RXRA: variants seen among roughly 807,000 people sequenced by gnomAD.
The protein encoded by RXRA is retinoid X receptor alpha.
RXRA carries 5 observed loss-of-function variants against 44.5 expected under a neutral mutation model. That is an observed-to-expected ratio of 0.11 (90% CI 0.06 to 0.24). The LOEUF (loss-of-function observed/expected upper bound fraction) is 0.24, where lower values mean the gene tolerates loss of function less well. Among genes scored for constraint, RXRA ranks in the 10% least tolerant of loss-of-function variants. The pLI is 1.00. For missense variants in RXRA, 412 were observed against 646.5 expected, an observed-to-expected ratio of 0.64 and a Z score of 3.93; for synonymous variants, 291 against 271.4, an observed-to-expected ratio of 1.07 and a Z score of -0.71.
In RXRA at chr9:134,435,932, C is replaced by T. The variant is rs1831612549; in HGVS notation, c.1242-535C>T. Among the ~76,000 whole-genome samples, 3 of 152,346 alleles carry T rather than the reference C, an allele frequency of 2.0e-5. No individual in the cohort carries two copies. In the South Asian group the frequency reaches 6.2e-4, roughly 32 times the overall value. ...CCAGGCTGGAGTGCAGTGCTGCGATCGTAGCTCATTGCAGCCTCAACCTCC... is the reference window on the plus strand; with the variant it reads ...CCAGGCTGGAGTGCAGTGCTGCGATTGTAGCTCATTGCAGCCTCAACCTCC... On this transcript the variant is annotated intron_variant, in intron 9 of 9. Coordinates refer to ENST00000481739, the MANE Select transcript of RXRA (RefSeq NM_002957.6).
intron 4 of RXRA, among the ~76,000 whole-genome samples, chr9:134,410,709 G>GC (rs920660260): frequency 2.6e-5 from 4 of 152,190 alleles, no homozygotes; most frequent in African/African-American, 9.7e-5. Flanking sequence ...CTGGAGCTGG[G>GC]GGGGGAAGGC....
In RXRA at chr9:134,431,899, C is replaced by T. The variant is rs1831538145; in HGVS notation, c.1044-6C>T. 1.2e-6 allele frequency: 2 copies of T among 1,611,908 alleles called. No individual in the cohort carries two copies. The highest frequency in any genetic ancestry group is 1.3e-5 in the African/African-American group (1 of 74,916). ...GGGATGGGGTGTCTGCCCTCCTCCT[C>T]TGCAGGGTGCTGACGGAGCTTGTGT... On this transcript the variant is annotated splice_region_variant and splice_polypyrimidine_tract_variant and intron_variant, in intron 7 of 9. Coordinates refer to ENST00000481739, the MANE Select transcript of RXRA (RefSeq NM_002957.6).
In RXRA at chr9:134,328,399, T is replaced by C. The variant is rs182540300; in HGVS notation, c.28+1740T>C. Among the ~76,000 whole-genome samples, 11 of 152,146 alleles carry C rather than the reference T, an allele frequency of 7.2e-5. No homozygotes were observed. The East Asian group carries it at 2.1e-3, about 30-fold the overall frequency. ...GTGCCCAGTCGCCATGGTGGCTTGC[T>C]GGAGTCCCTGTGAGGAGGAGAGGTC... On this transcript the variant is annotated intron_variant, in intron 1 of 9. Transcript: ENST00000481739.
At chr9:134,374,706 C>T (rs368650835) in intron 1 of RXRA, among the ~76,000 whole-genome samples, 5 of 152,264 alleles carry the variant, frequency 3.3e-5, no homozygotes, top group Non-Finnish European at 7.3e-5. Context: ...CCTTTTGCCT[C>T]CTGGCGACTT....
At chr9:134,339,901 GTGTC>G (rs1830065774) in intron 1 of RXRA, among the ~76,000 whole-genome samples, 1 of 152,052 alleles carries the variant, frequency 6.6e-6, no homozygotes, top group Non-Finnish European at 1.5e-5. Context: ...GAGCCTGTGT[GTGTC>G]TGTGTGTGAA....
chr9:134,393,216 C>G (rs1229174556), intron 1 of RXRA, among the ~76,000 whole-genome samples: 2 of 151,878 alleles, frequency 1.3e-5, no homozygotes, highest in Non-Finnish European at 2.9e-5. Flanking sequence ...CGCTCTTCTC[C>G]CTGTAGCACT....
chr9:134,380,132 T>C (rs1287212093), intron 1 of RXRA: 2 of 985,358 alleles, frequency 2.0e-6, no homozygotes, highest in African/African-American at 1.7e-5. Flanking sequence ...GCCTTGGCAC[T>C]GCCACCGTCC....
intron 1 of RXRA, among the ~76,000 whole-genome samples, chr9:134,388,940 C>T (rs1166624567): frequency 2.6e-5 from 4 of 152,184 alleles, no homozygotes; most frequent in African/African-American, 9.7e-5. Flanking sequence ...CCCTGGAAGA[C>T]ACATTTCTGG....
chr9:134,426,026 G>C lies in RXRA; in HGVS notation c.911-3082G>C, dbSNP rs1299699038. The C allele has an allele frequency of 1.0e-6, 1 of 985,282 alleles. No individual in the cohort carries two copies. The highest frequency in any genetic ancestry group is 1.2e-6 in the Non-Finnish European group (1 of 829,932). The allele number at this position is 985,282 out of a possible 1,614,324, so 61.0% of individuals were successfully genotyped here. On this transcript the variant is annotated intron_variant, in intron 6 of 9. Transcript: ENST00000481739. This position sits in a 1 kb window ranked among gnomAD's most constrained non-coding sequence, Gnocchi z 4.6. ...TCCGGAAGCGCTGTCCAGGGGTCCT[G>C]CAACCCCAGCAGAGGCCCTGAGCGT...
rs997106634 is a variant in RXRA at position 134,407,942 on chromosome 9, C to T, written c.280-207C>T. 3.9e-5 allele frequency among the ~76,000 whole-genome samples: 6 copies of T among 151,966 alleles called. No individual in the cohort carries two copies. Among genetic ancestry groups the T allele is most frequent in the African/African-American group, 1.4e-4 (6 of 41,380 alleles). The stretch of plus-strand genomic sequence containing the variant: ...CTGCTGCGGGCGAGTCCTGAGGTTG[C>T]CACAGCCTCTGCTGGCCTTGCTGAG... On this transcript the variant is annotated intron_variant, in intron 2 of 9. Transcript: ENST00000481739. This position sits in a 1 kb window ranked among gnomAD's most constrained non-coding sequence, Gnocchi z 4.8.
chr9:134,356,218 A>C (rs1830281458), intron 1 of RXRA, among the ~76,000 whole-genome samples: 1 of 152,026 alleles, frequency 6.6e-6, no homozygotes, highest in Non-Finnish European at 1.5e-5. Flanking sequence ...CCAGCCCTGC[A>C]AGGGAGGGGA....
At position 134,326,638 on chromosome 9, in the gene RXRA, A is replaced by C. The variant is rs1354036258; in HGVS notation, c.7A>C (p.Thr3Pro). Reference sequence around the variant, plus strand: ...GCATGAGTTAGTCGCAGACATGGACACCAAACATTTCCTGCCGCTCGGTGA... The same window carrying C: ...GCATGAGTTAGTCGCAGACATGGACCCCAAACATTTCCTGCCGCTCGGTGA... MD[T>P]KHFLPLDFST... The change falls in exon 1 of 10, where the codon ACC becomes CCC. Residue 3 changes from threonine to proline, a missense_variant. Coordinates refer to ENST00000481739, the MANE Select transcript of RXRA (RefSeq NM_002957.6). The C allele has an allele frequency of 3.1e-6, 3 of 960,886 alleles. No individual in the cohort carries two copies. In the African/African-American group the frequency reaches 5.7e-5, roughly 18 times the overall value. 59.5% of individuals were successfully genotyped at this position (960,886 alleles called of 1,614,324 possible).
intron 1 of RXRA, among the ~76,000 whole-genome samples, chr9:134,388,623 C>T (rs542524404): frequency 8.7e-4 from 132 of 152,324 alleles, no homozygotes; most frequent in African/African-American, 3.1e-3. Context: ...AGACCCTGAG[C>T]AGGAGCCTCT....
At chr9:134,424,408 TG>T in intron 6 of RXRA, 1 of 985,408 alleles carries the variant, frequency 1.0e-6, no homozygotes, top group Admixed American at 6.1e-5. Flanking sequence ...GACCTCCCCC[TG>T]GGCGCCCACT....
rs1831655134 is a variant in RXRA, at chr9:134,437,976, C to CGCTCCT, written c.*1363_*1368dup. 6.8e-6 allele frequency: 1 copy of CGCTCCT among 147,584 alleles called. No individual in the cohort carries two copies. The highest frequency in any genetic ancestry group is 1.5e-5 in the Non-Finnish European group (1 of 68,162). 9.1% of individuals were successfully genotyped at this position (147,584 alleles called of 1,614,324 possible). On this transcript the variant is annotated 3_prime_UTR_variant, in exon 10 of 10. Coordinates refer to ENST00000481739, the MANE Select transcript of RXRA (RefSeq NM_002957.6). ...CCTGGCTCAGCCCAGTGCGGCCTGG[C>CGCTCCT]GCTCCTCCCGCAGGCTCTGCCCCCG...
chr9:134,357,831 A>G (rs768515578), intron 1 of RXRA, among the ~76,000 whole-genome samples: 2 of 152,178 alleles, frequency 1.3e-5, no homozygotes, highest in Non-Finnish European at 2.9e-5. Context: ...AAGTTTGTTT[A>G]TTGGTTTTTC....
intron 1 of RXRA, among the ~76,000 whole-genome samples, chr9:134,399,400 G>A (rs1411970821): frequency 3.9e-5 from 6 of 152,326 alleles, no homozygotes; most frequent in African/African-American, 7.2e-5. Flanking sequence ...GTAACATCAG[G>A]TTATGCAGGT....
intron 7 of RXRA, among the ~76,000 whole-genome samples, chr9:134,429,714 G>T (rs34978968): frequency 5.0e-4 from 76 of 152,258 alleles, no homozygotes; most frequent in African/African-American, 1.7e-3. Flanking sequence ...GGAGCAAAGG[G>T]CTGCACCTCA....
chr9:134,370,928 G>T (rs1022689411), intron 1 of RXRA, among the ~76,000 whole-genome samples: 1 of 152,232 alleles, frequency 6.6e-6, no homozygotes, highest in African/African-American at 2.4e-5. Context: ...GGTCAGCAGA[G>T]AGTACAGTGT....
Sources: gnomAD v4.1 joint callset for allele counts (sites outside exome capture counted in the v4.1 genomes callset) on GRCh38, gnomAD v4.1.1 for gene constraint, Gnocchi (gnomAD v3.1) non-coding constraint, MANE v1.5 for transcripts, NCBI Gene and HGNC (gene_info 2026-07-23, HGNC 2026-07-21) for gene names.